Variants in CACNA1D observed in about 807,000 individuals in gnomAD.
The protein encoded by CACNA1D is calcium voltage-gated channel subunit alpha1 D.
A neutral mutation model predicts 257.1 loss-of-function variants in CACNA1D; 55 were observed. That is an observed-to-expected ratio of 0.21 (90% CI 0.17 to 0.27). The LOEUF is 0.27. Ranked by LOEUF, CACNA1D falls within the 10% of genes least tolerant of loss-of-function variation. The probability of loss-of-function intolerance (pLI) is 1.00; values close to 1 mark genes in which losing one functional copy is unlikely to be tolerated. For missense variants in CACNA1D, 1,876 were observed against 2,784.0 expected, an observed-to-expected ratio of 0.67 and a Z score of 7.34; for synonymous variants, 980 against 1,014.9, an observed-to-expected ratio of 0.97 and a Z score of 0.65.
At chr3:53,650,031 T>C (rs2094071684) in intron 3 of CACNA1D, among the ~76,000 whole-genome samples, 1 of 152,228 alleles carries the variant, frequency 6.6e-6, no homozygotes, top group Admixed American at 6.5e-5. Flanking sequence ...GTGAGGTCTG[T>C]GGCAGTCAGA....
chr3:53,508,059 A>C (rs1028981135), intron 3 of CACNA1D, among the ~76,000 whole-genome samples: 1 of 152,154 alleles, frequency 6.6e-6, no homozygotes, highest in Non-Finnish European at 1.5e-5. Context: ...ACTGACCTCT[A>C]GTAGGTCAGC....
Position 53,573,364 on chromosome 3 carries a change from GC to G in CACNA1D, c.483+71646del, listed in dbSNP as rs2092981247. Among the ~76,000 whole-genome samples the G allele has an allele frequency of 2.0e-5, 3 of 152,302 alleles. No individual in the cohort carries two copies. The South Asian group carries it at 6.2e-4, about 32-fold the overall frequency. On this transcript the variant is annotated intron_variant, in intron 3 of 47. Transcript: ENST00000350061. The stretch of plus-strand genomic sequence containing the variant: ...ACACTTGTCTCCTTGCTGTTCCTCA[GC>G]CGTGCCAGGCTTGCTGTGCCCTGGG...
intron 29 of CACNA1D, among the ~76,000 whole-genome samples, chr3:53,754,712 C>A (rs1018878419): frequency 6.6e-6 from 1 of 152,122 alleles, no homozygotes; most frequent in African/African-American, 2.4e-5. Context: ...CCCAGTACAG[C>A]CAAAAACTCT....
At chr3:53,753,501 G>A in intron 28 of CACNA1D, 71 bp from the exon 29 acceptor site, 3 of 1,022,830 alleles carry the variant, frequency 2.9e-6, no homozygotes, top group Non-Finnish European at 4.7e-6. Context: ...AGAGGGCTGG[G>A]AGCCTCCATG....
rs10707009 is a variant in CACNA1D at position 53,673,562 on chromosome 3, GAA to G, written c.1220+450_1220+451del. ...GCCGCTGAGCTTGTCCTTATTTGCAGAAAAAAAAAAAAAAAGGGAAGGACCTA... is the reference window on the plus strand; with the variant it reads ...GCCGCTGAGCTTGTCCTTATTTGCAGAAAAAAAAAAAAAGGGAAGGACCTA... On this transcript the variant is annotated intron_variant, in intron 8 of 47. Coordinates refer to ENST00000350061, the MANE Select transcript of CACNA1D (RefSeq NM_001128840.3). This position sits in a 1 kb window ranked among gnomAD's most constrained non-coding sequence, Gnocchi z 4.1. 8,346 of 586,658 alleles carry G rather than the reference GAA, an allele frequency of 0.014. 72 individuals carry two copies. Among genetic ancestry groups the G allele is most frequent in the African/African-American group, 0.057 (2,835 of 49,972 alleles). The allele number at this position is 586,658 out of a possible 1,614,324, so 36.3% of individuals were successfully genotyped here. A position where few individuals can be genotyped will look rare whatever the true frequency, so the allele number is the denominator to read the frequency against.
At chr3:53,601,814 G>A (rs1045269313) in intron 3 of CACNA1D, among the ~76,000 whole-genome samples, 1 of 152,114 alleles carries the variant, frequency 6.6e-6, no homozygotes, top group Non-Finnish European at 1.5e-5. Flanking sequence ...GGGTCCAAGC[G>A]ATTCCCCTGC....
intron 3 of CACNA1D, among the ~76,000 whole-genome samples, chr3:53,512,534 G>A (rs1057298072): frequency 2.0e-5 from 3 of 152,206 alleles, no homozygotes; most frequent in Non-Finnish European, 4.4e-5. Context: ...ATATGGGTCT[G>A]TTCCTTTTTC....
chr3:53,657,202 C>A (rs1279856511), intron 4 of CACNA1D, among the ~76,000 whole-genome samples: 1 of 151,558 alleles, frequency 6.6e-6, no homozygotes, highest in African/African-American at 2.4e-5. Flanking sequence ...TATTACAGAA[C>A]AACAAAAAGA....
chr3:53,769,806 C>T (rs1281033008), intron 30 of CACNA1D, among the ~76,000 whole-genome samples, 167 bp from the exon 31 acceptor site: 1 of 152,196 alleles, frequency 6.6e-6, no homozygotes, highest in Non-Finnish European at 1.5e-5. Flanking sequence ...TGGCTGCCTG[C>T]CCTCAAGTCC....
chr3:53,775,972 G>A lies in CACNA1D; in HGVS notation c.4289G>A (p.Gly1430Glu), dbSNP rs2095394885. ...LCDPESDYNP[G>E]EEYTCGSNFA... ...GACCCTGAGTCAGATTACAACCCCG[G>A]GGAGGAGTATACATGTGGGAGCAAC... Residue 1430 changes from glycine to glutamate, a missense_variant, in exon 35 of 48, where the codon GGG becomes GAG. Gly to Glu is a moderately conservative substitution (Grantham distance 98, BLOSUM62 -2). Coordinates refer to ENST00000350061, the MANE Select transcript of CACNA1D (RefSeq NM_001128840.3). 1 of 1,614,076 alleles carries A rather than the reference G, an allele frequency of 6.2e-7. No homozygotes were observed. Among genetic ancestry groups the A allele is most frequent in the Non-Finnish European group, 8.5e-7 (1 of 1,179,954 alleles).
chr3:53,748,587 C>T (rs1265862734), intron 26 of CACNA1D, among the ~76,000 whole-genome samples: 1 of 152,212 alleles, frequency 6.6e-6, no homozygotes, highest in Non-Finnish European at 1.5e-5. Flanking sequence ...GGAACTGGCT[C>T]AACTCCTGGC....
intron 3 of CACNA1D, among the ~76,000 whole-genome samples, chr3:53,599,503 G>A (rs574433441): frequency 6.6e-6 from 1 of 152,006 alleles, no homozygotes; most frequent in South Asian, 2.1e-4. Context: ...AAAAACAAAA[G>A]GGTTAATAGC....
At chr3:53,725,400 G>T (rs1559576787) in intron 14 of CACNA1D, among the ~76,000 whole-genome samples, 1 of 152,144 alleles carries the variant, frequency 6.6e-6, no homozygotes, top group Non-Finnish European at 1.5e-5. Context: ...CATACACAGG[G>T]CTCCAGTAGG....
intron 8 of CACNA1D, chr3:53,674,011 C>A: frequency 1.5e-6 from 1 of 657,728 alleles, no homozygotes; most frequent in South Asian, 1.7e-5. Context: ...CCAATGCTTG[C>A]CAAACACTGT....
Position 53,740,318 on chromosome 3 carries a change from T to C in CACNA1D, c.2790T>C (p.Phe930=), listed in dbSNP as rs1247163636. 30 of 1,611,486 alleles carry C rather than the reference T, an allele frequency of 1.9e-5. No homozygotes were observed. Among genetic ancestry groups the C allele is most frequent in the Non-Finnish European group, 2.5e-5 (29 of 1,177,634 alleles). The stretch of plus-strand genomic sequence containing the variant: ...TTGACTATGCCTTCACAGCCATCTT[T>C]ACTGTTGAGATCCTGTTGAAGGTAA... ...GYFDYAFTAI[F]TVEILLKMTT... Residue 930 remains phenylalanine (F), a synonymous_variant, in exon 21 of 48, where the codon TTT becomes TTC. Coordinates refer to ENST00000350061, the MANE Select transcript of CACNA1D (RefSeq NM_001128840.3).
At chr3:53,756,814 T>C (rs916208977) in intron 29 of CACNA1D, among the ~76,000 whole-genome samples, 1 of 152,222 alleles carries the variant, frequency 6.6e-6, no homozygotes, top group African/African-American at 2.4e-5. Context: ...GCCTGGTCTG[T>C]CTGGGATTCT....
intron 8 of CACNA1D, among the ~76,000 whole-genome samples, chr3:53,697,198 G>A (rs978388438): frequency 3.9e-5 from 6 of 152,338 alleles, no homozygotes; most frequent in South Asian, 2.1e-4. Context: ...CGAGCTGGCC[G>A]TGGAGGCTGC....
chr3:53,560,861 A>G (rs2092725747), intron 3 of CACNA1D, among the ~76,000 whole-genome samples: 1 of 152,190 alleles, frequency 6.6e-6, no homozygotes, highest in South Asian at 2.1e-4. Context: ...TATGGCCCTG[A>G]TCAACAACTC....
At chr3:53,592,854 A>AT (rs1407408726) in intron 3 of CACNA1D, among the ~76,000 whole-genome samples, 1 of 151,830 alleles carries the variant, frequency 6.6e-6, no homozygotes, top group Admixed American at 6.6e-5. Flanking sequence ...CGCCCAGCTA[A>AT]TTTTTTGTAT....
Sources: allele counts gnomAD v4.1 joint callset (sites outside exome capture counted in the v4.1 genomes callset), GRCh38; gene constraint gnomAD v4.1.1; non-coding constraint Gnocchi (gnomAD v3.1); transcripts MANE v1.5; gene names NCBI Gene and HGNC (gene_info 2026-07-23, HGNC 2026-07-21).